Variants in SCN10A observed in about 807,000 individuals in gnomAD.
SCN10A encodes the protein sodium voltage-gated channel alpha subunit 10, also known as sodium channel protein type 10 subunit alpha.
SCN10A carries 162 observed loss-of-function variants against 170.7 expected under a neutral mutation model. The ratio of observed to expected loss-of-function variants is 0.95; its 90% CI spans 0.84 to 1.08. The LOEUF (loss-of-function observed/expected upper bound fraction) is 1.08, where lower values mean the gene tolerates loss of function less well. SCN10A is among the 50% of genes least tolerant of loss of function. SCN10A has a pLI of 0.00. For missense variants in SCN10A, 2,527 were observed against 2,436.9 expected (o/e 1.04, Z -0.78); for synonymous variants, 985 against 904.6 (o/e 1.09, Z -1.59).
At chr3:38,801,182 C>T (rs975741331) in intron 1 of SCN10A, among the ~76,000 whole-genome samples, 2 of 152,064 alleles carry the variant, frequency 1.3e-5, no homozygotes, top group African/African-American at 2.4e-5. Context: ...ATCATAAACT[C>T]GCTATCTCCT....
chr3:38,740,741 A>G (rs932909375), intron 14 of SCN10A, among the ~76,000 whole-genome samples: 1 of 152,214 alleles, frequency 6.6e-6, no homozygotes, highest in African/African-American at 2.4e-5. Context: ...AATAACATTC[A>G]TAAAGCACCT....
chr3:38,774,938 G>C (rs188444642), intron 4 of SCN10A, among the ~76,000 whole-genome samples: 2 of 152,130 alleles, frequency 1.3e-5, no homozygotes, highest in Non-Finnish European at 2.9e-5. Flanking sequence ...GCTGCGTTCC[G>C]TGAATAAGGT....
rs745939820 is a variant in SCN10A at position 38,752,258 on chromosome 3, C to A, written c.1716G>T (p.Pro572=). ...SRHGEDEHQP[P]PTSELAPGAV... ...CTCCAGGGGCAAGCTCACTAGTGGG[C>A]GGCGGTTGGTGTTCATCTTCTCCAT... The change falls in exon 12 of 28, where the codon CCG becomes CCT. Residue 572 remains proline, a synonymous_variant. Coordinates refer to ENST00000449082, the MANE Select transcript of SCN10A (RefSeq NM_006514.4). 7.0e-6 allele frequency: 11 copies of A among 1,568,666 alleles called. No individual in the cohort carries two copies. In the South Asian group the frequency reaches 1.2e-4, roughly 17 times the overall value.
intron 25 of SCN10A, 26 bp downstream of exon 25, chr3:38,709,452 A>G (rs766847092): frequency 6.3e-7 from 1 of 1,589,462 alleles, no homozygotes; most frequent in Non-Finnish European, 8.5e-7. Flanking sequence ...TACAGCAGAA[A>G]CCAGAAACTC....
chr3:38,763,354 G>A (rs2063896978), intron 6 of SCN10A, 151 bp downstream of exon 6: 2 of 683,408 alleles, frequency 2.9e-6, no homozygotes, highest in African/African-American at 3.5e-5. Context: ...GAGGCCTTGG[G>A]TTTATGTTTC....
At chr3:38,748,634 T>C (rs1485252694) in intron 13 of SCN10A, among the ~76,000 whole-genome samples, 1 of 152,110 alleles carries the variant, frequency 6.6e-6, no homozygotes, top group Non-Finnish European at 1.5e-5. Flanking sequence ...CTTCTCTCTC[T>C]AGTTTCCCTC....
chr3:38,778,613 G>A (rs2064102584), intron 4 of SCN10A, among the ~76,000 whole-genome samples: 1 of 151,948 alleles, frequency 6.6e-6, no homozygotes, highest in Non-Finnish European at 1.5e-5. Context: ...TAAGGAAAAA[G>A]ATTGTGTTAA....
At chr3:38,746,564 T>C (rs148691494) in intron 13 of SCN10A, among the ~76,000 whole-genome samples, 117 of 152,276 alleles carry the variant, frequency 7.7e-4, no homozygotes, top group African/African-American at 2.7e-3. Flanking sequence ...TCACTCCTCT[T>C]AGCATGAAGT....
intron 1 of SCN10A, among the ~76,000 whole-genome samples, chr3:38,794,953 A>G (rs1263254541): frequency 6.6e-6 from 1 of 152,100 alleles, no homozygotes; most frequent in East Asian, 1.9e-4. Flanking sequence ...CTTCTCTTAC[A>G]ACATGAGAGG....
chr3:38,705,998 T>A (rs1354953361), intron 26 of SCN10A, among the ~76,000 whole-genome samples: 1 of 152,192 alleles, frequency 6.6e-6, no homozygotes, highest in Non-Finnish European at 1.5e-5. Context: ...GGACTTTTGC[T>A]CAGGTTCACT....
At position 38,713,918 on chromosome 3, in the gene SCN10A, G is replaced by T. The variant is rs201574155; in HGVS notation, c.3804+40C>A. On this transcript the variant is annotated intron_variant, in intron 22 of 27. Coordinates refer to ENST00000449082, the MANE Select transcript of SCN10A (RefSeq NM_006514.4). ...GCTGGGATTACAGGCATGAACCACC[G>T]TGCCTGGCCAGATGAGAGAAGTTTT... 2.1e-3 allele frequency: 3,309 copies of T among 1,609,394 alleles called. 4 individuals are homozygous for T. Among genetic ancestry groups the T allele is most frequent in the Non-Finnish European group, 2.7e-3 (3,206 of 1,178,564 alleles).
At chr3:38,728,451 C>T (rs2063479475) in intron 16 of SCN10A, 91 bp downstream of exon 16, 1 of 1,350,092 alleles carries the variant, frequency 7.4e-7, no homozygotes, top group Admixed American at 2.3e-5. Flanking sequence ...ACAATCTGGG[C>T]ATAAAAATGC....
At chr3:38,702,131 G>A (rs370805147) in intron 26 of SCN10A, 22 bp from the exon 27 acceptor site, 7 of 1,526,972 alleles carry the variant, frequency 4.6e-6, no homozygotes, top group Non-Finnish European at 6.1e-6. Context: ...AGAGATAGTG[G>A]CATCAGGGCC....
intron 1 of SCN10A, among the ~76,000 whole-genome samples, chr3:38,795,275 A>C (rs1250295512): frequency 6.6e-6 from 1 of 151,382 alleles, no homozygotes; most frequent in Non-Finnish European, 1.5e-5. Context: ...GGGATACAAG[A>C]GATTGCCTTG....
intron 20 of SCN10A, among the ~76,000 whole-genome samples, chr3:38,720,397 T>A (rs1295707896): frequency 6.6e-6 from 1 of 152,250 alleles, no homozygotes; most frequent in East Asian, 1.9e-4. Flanking sequence ...ATAAGCAAGA[T>A]GAGAAAGAGG....
At chr3:38,701,154 G>T in intron 27 of SCN10A, among the ~76,000 whole-genome samples, 1 of 152,174 alleles carries the variant, frequency 6.6e-6, no homozygotes, top group East Asian at 1.9e-4. Flanking sequence ...GAAGTATTCA[G>T]TCAAGGCAGC....
At position 38,755,736 on chromosome 3, in the gene SCN10A, A is replaced by G. The variant is rs545907456; in HGVS notation, c.1461+52T>C. 3.6e-5 allele frequency: 57 copies of G among 1,593,176 alleles called. No homozygotes were observed. The Middle Eastern group carries it at 6.7e-4, about 19-fold the overall frequency. ...CTCTTCCCACTCCAACTCATTGTCT[A>G]CGGCAGCTGCAATGGTGGGTAATCT... On this transcript the variant is annotated intron_variant, in intron 11 of 27. Coordinates refer to ENST00000449082, the MANE Select transcript of SCN10A (RefSeq NM_006514.4).
intron 4 of SCN10A, among the ~76,000 whole-genome samples, chr3:38,778,031 C>G (rs1224864162): frequency 6.6e-6 from 1 of 151,956 alleles, no homozygotes; most frequent in Non-Finnish European, 1.5e-5. Context: ...TACATGTATC[C>G]ATTTGGGCAA....
intron 5 of SCN10A, among the ~76,000 whole-genome samples, chr3:38,767,184 G>A (rs533362361): frequency 5.9e-5 from 9 of 151,464 alleles, no homozygotes; most frequent in East Asian, 3.9e-4. Flanking sequence ...TAAAGAACCC[G>A]CTTTTTGTTT....
Sources: allele counts gnomAD v4.1 joint callset (sites outside exome capture counted in the v4.1 genomes callset), GRCh38; gene constraint gnomAD v4.1.1; transcripts MANE v1.5; gene names NCBI Gene and HGNC (gene_info 2026-07-23, HGNC 2026-07-21).